The following COL18A1 variants were observed in gnomAD, a reference collection of about 807,000 sequenced individuals.
The protein encoded by COL18A1 is collagen alpha-1(XVIII) chain.
In COL18A1, 133 loss-of-function variants were observed where a neutral mutation model predicts 168.0. The ratio of observed to expected loss-of-function variants is 0.79; its 90% CI spans 0.69 to 0.91. COL18A1 has a LOEUF of 0.91. Ranked by LOEUF, COL18A1 falls within the 40% of genes least tolerant of loss-of-function variation. The pLI, the probability that COL18A1 is intolerant of heterozygous loss-of-function variation, is 0.00. For missense variants in COL18A1, 2,126 were observed against 1,925.4 expected (o/e 1.10, Z -1.95); for synonymous variants, 949 against 809.0 (o/e 1.17, Z -2.94).
At chr21:45,421,108 G>A (rs1039360207) in intron 2 of COL18A1, 10 of 253,768 alleles carry the variant, frequency 3.9e-5, no homozygotes, top group East Asian at 1.2e-4. Context: ...GCCCGGTACC[G>A]GGTCAGCTGG....
At position 45,463,445 on chromosome 21, in the gene COL18A1, T is replaced by G. The variant is rs1475822300; in HGVS notation, c.107-4797T>G. Among the ~76,000 whole-genome samples, 1 of 152,216 alleles carries G rather than the reference T, an allele frequency of 6.6e-6. No individual in the cohort carries two copies. The highest frequency in any genetic ancestry group is 1.5e-5 in the Non-Finnish European group (1 of 68,032). On this transcript the variant is annotated intron_variant, in intron 2 of 41. Coordinates refer to ENST00000651438, the MANE Select transcript of COL18A1 (RefSeq NM_001379500.1). The surrounding 1 kb of genome is among the most constrained non-coding windows in gnomAD (Gnocchi z 4.0). ...ACCGTCCAAGCCTTCCTGTGGACAT[T>G]GCAAGCTTTCAGTAGACTCCAGAGT... is the stretch of plus-strand genomic sequence containing the variant.
chr21:45,441,606 C>T (rs143583188), intron 2 of COL18A1, among the ~76,000 whole-genome samples: 5 of 152,334 alleles, frequency 3.3e-5, no homozygotes, highest in East Asian at 1.9e-4. Flanking sequence ...TGCTCCTCTC[C>T]GTGATCTGCC....
At chr21:45,499,522 A>G (rs1365309502) in intron 32 of COL18A1, among the ~76,000 whole-genome samples, 8 of 150,308 alleles carry the variant, frequency 5.3e-5, no homozygotes, top group South Asian at 2.1e-4. Flanking sequence ...GCTGCCCCGC[A>G]TGGCATCCCA....
chr21:45,429,916 C>T (rs996936320), intron 2 of COL18A1, among the ~76,000 whole-genome samples: 4 of 151,894 alleles, frequency 2.6e-5, no homozygotes, highest in African/African-American at 9.7e-5. Context: ...TTTTGGGGCC[C>T]TCATCTCCCT....
chr21:45,416,843 G>A (rs973324300), intron 2 of COL18A1, among the ~76,000 whole-genome samples: 2 of 151,870 alleles, frequency 1.3e-5, no homozygotes, highest in East Asian at 3.9e-4. Context: ...CCCTTCCCTC[G>A]TTCTGCATAT....
At chr21:45,432,708 G>T (rs1384174175) in intron 2 of COL18A1, among the ~76,000 whole-genome samples, 2 of 152,242 alleles carry the variant, frequency 1.3e-5, no homozygotes, top group African/African-American at 4.8e-5. Flanking sequence ...CCGTGGGTCC[G>T]TGGGCTGGGA....
chr21:45,458,278 C>T (rs116193435), intron 2 of COL18A1, among the ~76,000 whole-genome samples: 3,831 of 150,050 alleles, frequency 0.026, 143 homozygotes, highest in African/African-American at 0.09. Context: ...CTGTTGGCAT[C>T]TCGTAGGGCT....
chr21:45,480,929 G>T, intron 13 of COL18A1, 71 bp downstream of exon 13: 9 of 1,535,438 alleles, frequency 5.9e-6, no homozygotes, highest in Non-Finnish European at 7.9e-6. Flanking sequence ...ACCCCACATG[G>T]GAGCCCCTGC....
rs1020566644 is a variant in COL18A1, at chr21:45,454,030, C to T, written c.107-14212C>T. 5.9e-5 allele frequency among the ~76,000 whole-genome samples: 9 copies of T among 152,182 alleles called. No homozygotes were observed. In the East Asian group the frequency reaches 1.5e-3, roughly 26 times the overall value. ...TTTCTGTTTGGAGACTTTCCGGAGG[C>T]GTGTTCAGACATAAAATCACAGCAG... On this transcript the variant is annotated intron_variant, in intron 2 of 41. Coordinates refer to ENST00000651438, the MANE Select transcript of COL18A1 (RefSeq NM_001379500.1).
chr21:45,423,261 G>T lies in COL18A1; in HGVS notation c.106+17788G>T, dbSNP rs925616317. Among the ~76,000 whole-genome samples, 7 of 152,184 alleles carry T rather than the reference G, an allele frequency of 4.6e-5. No homozygotes were observed. The highest frequency in any genetic ancestry group is 1.7e-4 in the African/African-American group (7 of 41,448). ...TGGTTCTTGAGGGTTAGCTGGTCCA[G>T]TTCCCGCGTGTTGGCCGGTCTGGTC... is the stretch of plus-strand genomic sequence containing the variant. On this transcript the variant is annotated intron_variant, in intron 2 of 41. Transcript: ENST00000651438. The surrounding 1 kb of genome is among the most constrained non-coding windows in gnomAD (Gnocchi z 4.0).
intron 34 of COL18A1, among the ~76,000 whole-genome samples, 153 bp downstream of exon 34, chr21:45,504,709 CGCA>C (rs1602611294): frequency 6.6e-6 from 1 of 152,012 alleles, no homozygotes; most frequent in African/African-American, 2.4e-5. Flanking sequence ...CGTGTGGGGA[CGCA>C]GCAGGCCACA....
intron 2 of COL18A1, among the ~76,000 whole-genome samples, chr21:45,437,661 CACACTCAG>C (rs1427313593): frequency 8.2e-5 from 6 of 73,142 alleles, no homozygotes; most frequent in Non-Finnish European, 7.9e-5. Context: ...TGCACACACA[CACACTCAG>C]ACACACAGGC....
intron 2 of COL18A1, among the ~76,000 whole-genome samples, chr21:45,461,897 AGT>A (rs1410488435): frequency 6.6e-6 from 1 of 152,174 alleles, no homozygotes; most frequent in Non-Finnish European, 1.5e-5. Flanking sequence ...GTTATTGACT[AGT>A]GTCCTTTCAT....
rs1432073942 is a variant in COL18A1, at chr21:45,505,344, T to C, written c.3014-14T>C. 4 of 1,595,208 alleles carry C rather than the reference T, an allele frequency of 2.5e-6. No individual in the cohort carries two copies. The highest frequency in any genetic ancestry group is 3.4e-6 in the Non-Finnish European group (4 of 1,164,970). On this transcript the variant is annotated splice_polypyrimidine_tract_variant and intron_variant, in intron 35 of 41. Transcript: ENST00000651438. Reference sequence around the variant, plus strand: ...GTGTGGCTTCGTGTTCCCACCTTGGTTTCTCTCCTGCAGCTATCAGCGTTC... The same window carrying C: ...GTGTGGCTTCGTGTTCCCACCTTGGCTTCTCTCCTGCAGCTATCAGCGTTC...
chr21:45,488,250 T>C (rs1024350935), intron 17 of COL18A1, among the ~76,000 whole-genome samples, 168 bp from the exon 18 acceptor site: 1 of 152,280 alleles, frequency 6.6e-6, no homozygotes, highest in African/African-American at 2.4e-5. Flanking sequence ...CAGAAACTAA[T>C]TGATTCCATA....
rs778082909 is a variant in COL18A1 at position 45,495,388 on chromosome 21, G to C, written c.2464G>C (p.Glu822Gln). 8.1e-6 allele frequency: 13 copies of C among 1,611,680 alleles called. No homozygotes were observed. The highest frequency in any genetic ancestry group is 3.3e-5 in the Admixed American group (2 of 59,840). The change falls in exon 29 of 42, where the codon GAG becomes CAG. Residue 822 changes from glutamate to glutamine, a missense_variant. Glu to Gln is a conservative substitution (Grantham distance 29). Coordinates refer to ENST00000651438, the MANE Select transcript of COL18A1 (RefSeq NM_001379500.1). ...GRPGMNGLKG[E>Q]KGEPGDASLG... ...CCCCGGGATGAACGGATTGAAAGGA[G>C]AGAAAGGGGAGCCGGGAGATGCCAG... is the stretch of plus-strand genomic sequence containing the variant.
At chr21:45,455,123 A>C (rs957415193) in intron 2 of COL18A1, among the ~76,000 whole-genome samples, 2 of 152,198 alleles carry the variant, frequency 1.3e-5, no homozygotes, top group African/African-American at 4.8e-5. Context: ...TCCAGGTCAG[A>C]GGGGGAGCAG....
At chr21:45,510,404 C>G (rs1237321304) in intron 40 of COL18A1, 143 bp downstream of exon 40, 1 of 969,642 alleles carries the variant, frequency 1.0e-6, no homozygotes, top group East Asian at 2.6e-5. Context: ...GACTTCAGGG[C>G]AGGCTCCGGG....
At chr21:45,478,563 C>T (rs1161290535) in intron 9 of COL18A1, among the ~76,000 whole-genome samples, 2 of 151,916 alleles carry the variant, frequency 1.3e-5, no homozygotes, top group Non-Finnish European at 2.9e-5. Context: ...ACATTTGGGC[C>T]ACAACTACCA....
Sources: gnomAD v4.1 joint callset for allele counts (sites outside exome capture counted in the v4.1 genomes callset) on GRCh38, gnomAD v4.1.1 for gene constraint, Gnocchi (gnomAD v3.1) non-coding constraint, MANE v1.5 for transcripts, NCBI Gene and HGNC (gene_info 2026-07-23, HGNC 2026-07-21) for gene names.